Variants in SRSF12 observed in about 807,000 individuals in gnomAD.
SRSF12 encodes serine/arginine-rich splicing factor 12.
SRSF12 carries 21 observed loss-of-function variants against 34.1 expected under a neutral mutation model. That is an observed-to-expected ratio of 0.62 (90% CI 0.44 to 0.89). The LOEUF is 0.89. Ranked by LOEUF, SRSF12 falls within the 40% of genes least tolerant of loss-of-function variation. SRSF12 has a pLI of 0.00. For missense variants in SRSF12, 278 were observed against 327.8 expected, an observed-to-expected ratio of 0.85 and a Z score of 1.17; for synonymous variants, 111 against 110.8, an observed-to-expected ratio of 1.00 and a Z score of -0.01.
At chr6:89,111,194 C>T (rs1769033196) in intron 1 of SRSF12, among the ~76,000 whole-genome samples, 1 of 151,912 alleles carries the variant, frequency 6.6e-6, no homozygotes, top group African/African-American at 2.4e-5. Context: ...CTGCAGCCTC[C>T]ACTTCCCAGG....
At position 89,096,425 on chromosome 6, in the gene SRSF12, A is replaced by C. The variant is rs754400527; in HGVS notation, c.*2153T>G. The C allele has an allele frequency of 8.5e-5, 13 of 152,230 alleles. No homozygotes were observed. The highest frequency in any genetic ancestry group is 1.9e-4 in the Non-Finnish European group (13 of 68,038). The allele number at this position is 152,230 out of a possible 1,614,324, so 9.4% of individuals were successfully genotyped here. ...GGTTAAATACAAGAGTGAATAACTTAAGACATATAGAACAGTGCCAAGCAT... is the reference window on the plus strand; with the variant it reads ...GGTTAAATACAAGAGTGAATAACTTCAGACATATAGAACAGTGCCAAGCAT... On this transcript the variant is annotated 3_prime_UTR_variant, in exon 5 of 5. Transcript: ENST00000452027.
intron 4 of SRSF12, among the ~76,000 whole-genome samples, chr6:89,099,384 A>G (rs1768401778): frequency 1.3e-5 from 1 of 75,602 alleles, no homozygotes; most frequent in East Asian, 5.8e-4. Flanking sequence ...CATAGAAAAC[A>G]GCTCTCTCTC....
In SRSF12 at chr6:89,105,157, T is replaced by C. The variant is rs772119366; in HGVS notation, c.378A>G (p.Ser126=). Residue 126 remains serine, a synonymous_variant, in exon 4 of 5, where the codon TCA becomes TCG. Transcript: ENST00000452027. ...CTGACCGCCTCCTATTTCTTCCCCA[T>C]GAAGAACTTCTACTTCGAGTTCTTC... The part of the protein sequence containing the change: ...SQRRTRSRSS[S]WGRNRRRSDS... 1.9e-6 allele frequency: 3 copies of C among 1,612,842 alleles called. No homozygotes were observed. The highest frequency in any genetic ancestry group is 2.2e-5 in the South Asian group (2 of 90,846).
Position 89,103,661 on chromosome 6 carries a change from T to C in SRSF12, c.416+1458A>G, listed in dbSNP as rs913033026. ...TTTTAGTAGAGACAGGATTTCACCA[T>C]ATTGCTCAGGATGGTCTTGAACTCC... On this transcript the variant is annotated intron_variant, in intron 4 of 4. Coordinates refer to ENST00000452027, the MANE Select transcript of SRSF12 (RefSeq NM_080743.5). Among the ~76,000 whole-genome samples, 43 of 152,068 alleles carry C rather than the reference T, an allele frequency of 2.8e-4. 1 individual carries two copies. Among genetic ancestry groups the C allele is most frequent in the Non-Finnish European group, 7.4e-5 (5 of 68,020 alleles).
intron 1 of SRSF12, among the ~76,000 whole-genome samples, chr6:89,113,599 G>A (rs542148321): frequency 5.3e-5 from 8 of 152,222 alleles, no homozygotes; most frequent in South Asian, 2.1e-4. Flanking sequence ...GTGAGCCACC[G>A]TGCCAGGCCC....
Position 89,117,872 on chromosome 6 carries a change from T to C in SRSF12, c.16A>G (p.Arg6Gly). 6.4e-7 allele frequency: 1 copy of C among 1,562,424 alleles called. No individual in the cohort carries two copies. The highest frequency in any genetic ancestry group is 8.6e-7 in the Non-Finnish European group (1 of 1,156,650). The change falls in exon 1 of 5, where the codon AGG becomes GGG. Residue 6 changes from arginine to glycine, a missense_variant. Transcript: ENST00000452027. ...ATGAACAGGGAGGTGTTGGGGGGCC[T>C]CGTGTAGCGAGACATGACCGCTTCC... is the stretch of plus-strand genomic sequence containing the variant. MSRYT[R>G]PPNTSLFIRN...
chr6:89,111,160 G>A (rs1025217676), intron 1 of SRSF12, among the ~76,000 whole-genome samples: 3 of 151,006 alleles, frequency 2.0e-5, no homozygotes, highest in African/African-American at 7.3e-5. Flanking sequence ...CCAGACTGGA[G>A]TACTGTGGCA....
intron 4 of SRSF12, among the ~76,000 whole-genome samples, chr6:89,104,914 A>G (rs9344906): frequency 0.74 from 111,715 of 151,700 alleles, 41,215 homozygotes; most frequent in East Asian, 0.84. Context: ...AAATTAGCCC[A>G]GTGTGGTGGT....
chr6:89,099,599 G>A (rs1444071930), intron 4 of SRSF12, among the ~76,000 whole-genome samples: 13 of 147,428 alleles, frequency 8.8e-5, no homozygotes, highest in African/African-American at 3.0e-4. Context: ...GCAATGGCAC[G>A]ATCTCAGCTC....
At chr6:89,116,550 G>A (rs771990102) in intron 1 of SRSF12, among the ~76,000 whole-genome samples, 1 of 152,070 alleles carries the variant, frequency 6.6e-6, no homozygotes, top group Non-Finnish European at 1.5e-5. Flanking sequence ...CGAGCTGGGC[G>A]GATCACTTGA....
chr6:89,105,353 T>A, intron 3 of SRSF12, 74 bp downstream of exon 3: 1 of 1,562,038 alleles, frequency 6.4e-7, no homozygotes, highest in Non-Finnish European at 8.7e-7. Context: ...TGAAAGAATT[T>A]TAAATTAAAA....
rs139235844 is a variant in SRSF12 at position 89,108,787 on chromosome 6, T to C, written c.66-1529A>G. Among the ~76,000 whole-genome samples, 1,083 of 152,314 alleles carry C rather than the reference T, an allele frequency of 7.1e-3. 9 individuals are homozygous for C. The highest frequency in any genetic ancestry group is 0.025 in the African/African-American group (1,022 of 41,568). On this transcript the variant is annotated intron_variant, in intron 1 of 4. Coordinates refer to ENST00000452027, the MANE Select transcript of SRSF12 (RefSeq NM_080743.5). ...TAAGCAACAGAAAATTGTGATTATA[T>C]GCATATTAATTAGTGTGTATTAATA...
At chr6:89,098,987 AAAT>A in intron 4 of SRSF12, 40 bp from the exon 5 acceptor site, 2 of 1,549,408 alleles carry the variant, frequency 1.3e-6, no homozygotes, top group Non-Finnish European at 1.7e-6. Context: ...ATTTCACACA[AAAT>A]AAGAGATCAG....
chr6:89,099,492 A>G (rs1180548590), intron 4 of SRSF12, among the ~76,000 whole-genome samples: 3 of 124,636 alleles, frequency 2.4e-5, no homozygotes, highest in African/African-American at 3.4e-5. Context: ...GTGTGTGTAT[A>G]TATATATGTG....
rs553653016 is a variant in SRSF12 at position 89,098,625 on chromosome 6, G to C, written c.739C>G (p.Arg247Gly). 1.9e-6 allele frequency: 3 copies of C among 1,613,606 alleles called. No homozygotes were observed. The highest frequency in any genetic ancestry group is 4.5e-5 in the East Asian group (2 of 44,868). Residue 247 changes from arginine (R) to glycine (G), a missense_variant, in exon 5 of 5, where the codon CGG becomes GGG. By Grantham distance (125) the Arg-to-Gly change is moderately radical. Coordinates refer to ENST00000452027, the MANE Select transcript of SRSF12 (RefSeq NM_080743.5). ...TAACTTCGAGATCTGGAATGTGACC[G>C]AAAATGAGAATGCTTTGCTGTTTGT... ...KVQTAKHSHF[R>G]SHSRSRSYRH...
chr6:89,117,808 G>T lies in SRSF12; in HGVS notation c.65+15C>A. 1 of 1,548,176 alleles carries T rather than the reference G, an allele frequency of 6.5e-7. No individual in the cohort carries two copies. Among genetic ancestry groups the T allele is most frequent in the Non-Finnish European group, 8.7e-7 (1 of 1,150,702 alleles). On this transcript the variant is annotated intron_variant, in intron 1 of 4. Coordinates refer to ENST00000452027, the MANE Select transcript of SRSF12 (RefSeq NM_080743.5). ...CCCTCCTCCGCGCCCCCAACCTGCA[G>T]CCGCGGCCGTTCACCTGGTGGCGTC...
At chr6:89,099,123 G>T (rs1768391788) in intron 4 of SRSF12, among the ~76,000 whole-genome samples, 176 bp from the exon 5 acceptor site, 1 of 151,662 alleles carries the variant, frequency 6.6e-6, no homozygotes, top group Admixed American at 6.6e-5. Context: ...TAACAAGTTT[G>T]TAATATTTGT....
At chr6:89,106,665 C>T (rs569919301) in intron 2 of SRSF12, 24 of 180,982 alleles carry the variant, frequency 1.3e-4, no homozygotes, top group Admixed American at 2.8e-4. Flanking sequence ...CAATATAAAA[C>T]GAGACTGGCA....
Position 89,099,472 on chromosome 6 carries a change from A to G in SRSF12, c.417-525T>C, listed in dbSNP as rs561595043. 2.2e-3 allele frequency among the ~76,000 whole-genome samples: 315 copies of G among 145,226 alleles called. 4 individuals are homozygous for G. Among genetic ancestry groups the G allele is most frequent in the African/African-American group, 7.2e-3 (274 of 38,278 alleles). On this transcript the variant is annotated intron_variant, in intron 4 of 4. Transcript: ENST00000452027. Reference sequence around the variant, plus strand: ...TATATGTGTGTATATATGTGTGTGTATATATATATGTGTGTGTATATATAT... The same window carrying G: ...TATATGTGTGTATATATGTGTGTGTGTATATATATGTGTGTGTATATATAT...
Sources: allele counts gnomAD v4.1 joint callset (sites outside exome capture counted in the v4.1 genomes callset), GRCh38; gene constraint gnomAD v4.1.1; transcripts MANE v1.5; gene names NCBI Gene and HGNC (gene_info 2026-07-23, HGNC 2026-07-21).